Variants in SPTBN4 observed in about 807,000 individuals in gnomAD.
SPTBN4 encodes spectrin beta chain, non-erythrocytic 4.
SPTBN4 carries 96 observed loss-of-function variants against 277.8 expected under a neutral mutation model. That is an observed-to-expected ratio of 0.35 (90% CI 0.29 to 0.41). The LOEUF (loss-of-function observed/expected upper bound fraction) is 0.41. SPTBN4 is among the 10% of genes least tolerant of loss of function. SPTBN4 has a pLI of 1.00. For missense variants in SPTBN4, 3,006 were observed against 3,595.7 expected (o/e 0.84, Z 4.19); for synonymous variants, 1,481 against 1,580.3 (o/e 0.94, Z 1.49).
intron 3 of SPTBN4, 108 bp downstream of exon 3, chr19:40,487,956 G>A: frequency 7.7e-7 from 1 of 1,296,354 alleles, no homozygotes; most frequent in Non-Finnish European, 1.0e-6. Flanking sequence ...GCTCATGGGC[G>A]AGTGGAACGT....
rs1475469531 is a variant in SPTBN4, at chr19:40,570,511, C to T, written c.7102C>T (p.Arg2368Trp). Residue 2368 changes from arginine to tryptophan, a missense_variant, in exon 33 of 36, where the codon CGG (arginine) becomes TGG (tryptophan). Physicochemically the swap from Arg to Trp is moderately radical, Grantham distance 101 (BLOSUM62 -3). Around this residue, in one of 5 missense-constraint regions of SPTBN4, gnomAD observed 630 missense variants for 677.6 expected, o/e 0.93. Coordinates refer to ENST00000598249, the MANE Select transcript of SPTBN4 (RefSeq NM_020971.3). ...GCTTGAGCTGCCCGAGCGGACACCTCGGCCGGACCGGCCCCGGGCGCGGGA... is the reference window on the plus strand; with the variant it reads ...GCTTGAGCTGCCCGAGCGGACACCTTGGCCGGACCGGCCCCGGGCGCGGGA... The part of the protein sequence containing the change: ...NGLELPERTP[R>W]PDRPRARDRP... 1 of 1,512,790 alleles carries T rather than the reference C, an allele frequency of 6.6e-7. No homozygotes were observed. The highest frequency in any genetic ancestry group is 2.0e-5 in the Admixed American group (1 of 49,220). 93.7% of individuals were successfully genotyped at this position (1,512,790 alleles called of 1,614,324 possible).
Position 40,516,830 on chromosome 19 carries a change from GACAA to G in SPTBN4, c.2903+1404_2903+1407del, listed in dbSNP as rs539815358. On this transcript the variant is annotated intron_variant, in intron 15 of 35. Transcript: ENST00000598249. Reference sequence around the variant, plus strand: ...CAGAGCAAGAATCTATACCAAAACAGACAAACAAACAAACAAACAAACAAAAACC... The same window carrying G: ...CAGAGCAAGAATCTATACCAAAACAGACAAACAAACAAACAAACAAAAACC... 4.0e-3 allele frequency among the ~76,000 whole-genome samples: 608 copies of G among 152,046 alleles called. 8 individuals are homozygous for G. Among genetic ancestry groups the G allele is most frequent in the African/African-American group, 0.013 (553 of 41,484 alleles).
intron 7 of SPTBN4, among the ~76,000 whole-genome samples, chr19:40,501,146 G>A (rs2080258955): frequency 6.6e-6 from 1 of 151,626 alleles, no homozygotes; most frequent in Admixed American, 6.6e-5. Flanking sequence ...GCTGAGGTGG[G>A]AGGATTGCTT....
At chr19:40,481,366 T>C (rs557437878) in intron 2 of SPTBN4, among the ~76,000 whole-genome samples, 1 of 152,262 alleles carries the variant, frequency 6.6e-6, no homozygotes, top group South Asian at 2.1e-4. Context: ...AGTGAGTGCA[T>C]ATCTAACTTT....
chr19:40,504,204 G>T lies in SPTBN4; in HGVS notation c.1665+72G>T, dbSNP rs1010588117. ...GGAGGATGCAGACGCTGAAAGAGTT[G>T]TCAGACAGCTGGAGATGGAGAGGGA... On this transcript the variant is annotated intron_variant, in intron 12 of 35. Transcript: ENST00000598249. 27 of 1,485,130 alleles carry T rather than the reference G, an allele frequency of 1.8e-5. No individual in the cohort carries two copies. In the Admixed American group the frequency reaches 4.6e-4, roughly 26 times the overall value. 92.0% of individuals were successfully genotyped at this position (1,485,130 alleles called of 1,614,324 possible).
At chr19:40,494,057 G>A (rs1463888912) in intron 5 of SPTBN4, among the ~76,000 whole-genome samples, 1 of 152,094 alleles carries the variant, frequency 6.6e-6, no homozygotes, top group African/African-American at 2.4e-5. Context: ...CTACTGGGAA[G>A]GTTCCCTTTG....
At chr19:40,567,348 C>A (rs117401695) in intron 30 of SPTBN4, among the ~76,000 whole-genome samples, 3,025 of 140,084 alleles carry the variant, frequency 0.022, 52 homozygotes, top group Non-Finnish European at 0.032. Flanking sequence ...TAAATAAAGT[C>A]TTAAAGTCCT....
chr19:40,501,337 C>A (rs1167064857), intron 7 of SPTBN4, among the ~76,000 whole-genome samples: 1 of 151,904 alleles, frequency 6.6e-6, no homozygotes, highest in African/African-American at 2.4e-5. Context: ...ACAGCACATG[C>A]AAAGGCCCTG....
At position 40,502,457 on chromosome 19, in the gene SPTBN4, C is replaced by A; in HGVS notation, c.1153C>A (p.Arg385Ser). The change falls in exon 10 of 36, where the codon CGT (arginine) becomes AGT (serine). Residue 385 changes from arginine (R) to serine (S), a missense_variant. Arg to Ser is a moderately radical substitution (Grantham distance 110). This residue lies in a region of SPTBN4 where 1,759 missense variants were observed against 2,061.5 expected (regional missense o/e 0.85). Coordinates refer to ENST00000598249, the MANE Select transcript of SPTBN4 (RefSeq NM_020971.3). The surrounding 1 kb of genome is among the most constrained non-coding windows in gnomAD (Gnocchi z 4.9). ...CCAGAGCAAACTGCGTGCCTGCAAC[C>A]GTCGCCTCTTTGTGCCTCGGGAGGG... ...SIQSKLRACN[R>S]RLFVPREGCG... The A allele has an allele frequency of 1.2e-6, 2 of 1,613,632 alleles. No homozygotes were observed. The highest frequency in any genetic ancestry group is 1.7e-6 in the Non-Finnish European group (2 of 1,179,978).
intron 20 of SPTBN4, among the ~76,000 whole-genome samples, chr19:40,548,300 C>G (rs912390394): frequency 1.3e-5 from 2 of 152,128 alleles, no homozygotes; most frequent in Non-Finnish European, 2.9e-5. Flanking sequence ...CCAGCCTGAC[C>G]AACATGGTGA....
At chr19:40,573,206 A>G (rs1367880260) in intron 35 of SPTBN4, among the ~76,000 whole-genome samples, 1 of 152,114 alleles carries the variant, frequency 6.6e-6, no homozygotes, top group Non-Finnish European at 1.5e-5. Context: ...CCAGCTACTC[A>G]GGAGGCCGAG....
chr19:40,573,485 G>T (rs1206917498), intron 35 of SPTBN4, among the ~76,000 whole-genome samples: 1 of 152,188 alleles, frequency 6.6e-6, no homozygotes, highest in African/African-American at 2.4e-5. Context: ...GAGGAGATTG[G>T]ATTTTTTACC....
At chr19:40,523,898 G>C (rs1302068272) in intron 17 of SPTBN4, among the ~76,000 whole-genome samples, 1 of 152,070 alleles carries the variant, frequency 6.6e-6, no homozygotes, top group Non-Finnish European at 1.5e-5. Context: ...TCACCTCCCA[G>C]GTTCAAGTGA....
chr19:40,490,270 C>A lies in SPTBN4; in HGVS notation c.495+22C>A. 2 of 1,606,334 alleles carry A rather than the reference C, an allele frequency of 1.2e-6. No homozygotes were observed. Among genetic ancestry groups the A allele is most frequent in the Non-Finnish European group, 1.7e-6 (2 of 1,175,478 alleles). The stretch of plus-strand genomic sequence containing the variant: ...CCAGGTGACCCTCGAGTGGCCCCTG[C>A]CAAGCCCCGCAACATGGGACTTAGG... On this transcript the variant is annotated intron_variant, in intron 4 of 35. Transcript: ENST00000598249. The surrounding 1 kb of genome is among the most constrained non-coding windows in gnomAD (Gnocchi z 4.3).
At chr19:40,572,507 G>A in intron 35 of SPTBN4, 127 bp downstream of exon 35, 1 of 1,248,458 alleles carries the variant, frequency 8.0e-7, no homozygotes, top group Non-Finnish European at 1.2e-6. Flanking sequence ...GGCTGTAATG[G>A]GAAAGCCCAC....
At chr19:40,567,125 C>T (rs1267298174) in intron 30 of SPTBN4, 1 of 454,888 alleles carries the variant, frequency 2.2e-6, no homozygotes, top group Admixed American at 2.4e-5. Context: ...CTACCAAAAC[C>T]AAAAGCAAAC....
At chr19:40,495,039 A>G in intron 6 of SPTBN4, 62 bp downstream of exon 6, 4 of 1,477,510 alleles carry the variant, frequency 2.7e-6, no homozygotes, top group Non-Finnish European at 3.8e-6. Context: ...CTGCAGCTGC[A>G]CACCTGTACA....
At chr19:40,533,701 C>G (rs561201763) in intron 19 of SPTBN4, among the ~76,000 whole-genome samples, 1 of 152,046 alleles carries the variant, frequency 6.6e-6, no homozygotes, top group South Asian at 2.1e-4. Flanking sequence ...CTATCCTTGT[C>G]TTTCTTACGG....
At chr19:40,520,382 T>A (rs530656714) in intron 16 of SPTBN4, among the ~76,000 whole-genome samples, 1 of 152,110 alleles carries the variant, frequency 6.6e-6, no homozygotes. Context: ...GTGGGGTAGG[T>A]TGGTGTCTTA....
Sources: allele counts gnomAD v4.1 joint callset (sites outside exome capture counted in the v4.1 genomes callset), GRCh38; gene constraint gnomAD v4.1.1; regional missense constraint gnomAD v4.1.1; non-coding constraint Gnocchi (gnomAD v3.1); transcripts MANE v1.5; gene names NCBI Gene and HGNC (gene_info 2026-07-23, HGNC 2026-07-21).